Variants in HECW1 observed in about 807,000 individuals in gnomAD.
HECW1 encodes the protein HECT, C2 and WW domain containing E3 ubiquitin protein ligase 1.
A neutral mutation model predicts 182.3 loss-of-function variants in HECW1; 61 were observed. The observed-to-expected ratio is 0.33, with a 90% CI of 0.27 to 0.41. HECW1 has a LOEUF of 0.41. Among genes scored for constraint, HECW1 ranks in the 10% least tolerant of loss-of-function variants. HECW1 has a pLI of 1.00. For synonymous variants in HECW1, 859 were observed against 832.6 expected (o/e 1.03, Z -0.55); for missense variants, 1,739 against 2,108.9 (o/e 0.82, Z 3.44).
At chr7:43,436,693 T>TGGATG (rs2076725923) in intron 8 of HECW1, among the ~76,000 whole-genome samples, 2 of 152,370 alleles carry the variant, frequency 1.3e-5, no homozygotes, top group South Asian at 4.1e-4. Context: ...TCAGGCCATC[T>TGGATG]GGATGTATAC....
chr7:43,436,163 CAA>C (rs750081980), intron 8 of HECW1, among the ~76,000 whole-genome samples: 11 of 67,026 alleles, frequency 1.6e-4, no homozygotes, highest in African/African-American at 2.3e-4. Context: ...GACTTTGTCT[CAA>C]AAAAAAAAAA....
chr7:43,239,649 A>G (rs1798692941), intron 2 of HECW1, among the ~76,000 whole-genome samples: 1 of 152,270 alleles, frequency 6.6e-6, no homozygotes, highest in African/African-American at 2.4e-5. Context: ...ACAACTTAAA[A>G]TAATTGACAG....
chr7:43,520,722 C>T (rs553431852), intron 24 of HECW1, among the ~76,000 whole-genome samples: 4 of 152,140 alleles, frequency 2.6e-5, no homozygotes, highest in South Asian at 2.1e-4. Context: ...CTAGAACAGA[C>T]GAAAGTGAAG....
intron 2 of HECW1, among the ~76,000 whole-genome samples, chr7:43,171,074 G>A (rs1276736902): frequency 1.3e-5 from 2 of 152,196 alleles, no homozygotes; most frequent in East Asian, 1.9e-4. Context: ...GAGTGCACAA[G>A]CATGAAAATC....
chr7:43,320,664 T>C lies in HECW1; in HGVS notation c.382T>C (p.Tyr128His). 6.2e-7 allele frequency: 1 copy of C among 1,614,160 alleles called. No individual in the cohort carries two copies. The highest frequency in any genetic ancestry group is 1.1e-5 in the South Asian group (1 of 91,082). The change falls in exon 5 of 30, where the codon TAT becomes CAT. Residue 128 changes from tyrosine to histidine, a missense_variant. This residue lies in a region of HECW1 where 279 missense variants were observed against 353.1 expected (regional missense o/e 0.79). Coordinates refer to ENST00000395891, the MANE Select transcript of HECW1 (RefSeq NM_015052.5). ...GGTCTTGTCCGAAAACTTTCTGGAC[T>C]ATAAAAACCGTGGAGTCAATGGTTC... ...DEVLSENFLD[Y>H]KNRGVNGSHR...
At chr7:43,501,183 C>CTTTTTTTTTTTTTTCT in intron 20 of HECW1, 30 bp from the exon 21 acceptor site, 1 of 744,856 alleles carries the variant, frequency 1.3e-6, no homozygotes, top group South Asian at 1.8e-5. Context: ...TCTTTTCTTT[C>CTTTTTTTTTTTTTTCT]TTTTTTTTTT....
At chr7:43,494,467 A>G (rs2079042862) in intron 19 of HECW1, among the ~76,000 whole-genome samples, 2 of 152,054 alleles carry the variant, frequency 1.3e-5, no homozygotes, top group African/African-American at 4.8e-5. Flanking sequence ...CCTTCAAAAA[A>G]GCTTTCATGG....
intron 5 of HECW1, 102 bp downstream of exon 5, chr7:43,320,844 G>T: frequency 1.2e-6 from 1 of 846,886 alleles, no homozygotes; most frequent in East Asian, 2.5e-5. Context: ...TAAGAAATGG[G>T]CCCTCTAAAA....
intron 24 of HECW1, among the ~76,000 whole-genome samples, chr7:43,516,666 T>G (rs1437108094): frequency 6.6e-6 from 1 of 152,228 alleles, no homozygotes; most frequent in Non-Finnish European, 1.5e-5. Context: ...ACATTTTCTT[T>G]GTCTTAAGTA....
chr7:43,330,671 G>A (rs146162571), intron 5 of HECW1, among the ~76,000 whole-genome samples: 94 of 152,316 alleles, frequency 6.2e-4, no homozygotes, highest in African/African-American at 2.2e-3. Context: ...CCATGTGGGG[G>A]CTATGGGCTT....
intron 24 of HECW1, among the ~76,000 whole-genome samples, chr7:43,536,531 G>T (rs945261148): frequency 2.6e-5 from 4 of 152,228 alleles, no homozygotes; most frequent in African/African-American, 9.6e-5. Context: ...GTACCTGGGA[G>T]CTGAGGTCTC....
chr7:43,300,672 C>G (rs1041872931), intron 3 of HECW1, among the ~76,000 whole-genome samples: 1 of 152,122 alleles, frequency 6.6e-6, no homozygotes, highest in Non-Finnish European at 1.5e-5. Context: ...CGTGTTCATC[C>G]GGGGCACTTT....
intron 3 of HECW1, 126 bp from the exon 4 acceptor site, chr7:43,311,637 T>C (rs1005316421): frequency 1.1e-6 from 1 of 870,494 alleles, no homozygotes; most frequent in Non-Finnish European, 1.9e-6. Context: ...CCATGTTTCA[T>C]ATCTGCCCAG....
intron 2 of HECW1, among the ~76,000 whole-genome samples, chr7:43,152,300 G>A (rs1341751028): frequency 1.3e-5 from 2 of 152,156 alleles, no homozygotes; most frequent in African/African-American, 4.8e-5. Flanking sequence ...ACAGTTATAA[G>A]CATTGAAAGC....
intron 5 of HECW1, among the ~76,000 whole-genome samples, chr7:43,351,678 CTTTT>C (rs200929407): frequency 8.3e-6 from 1 of 120,574 alleles, no homozygotes. Flanking sequence ...TTTCTTTCTT[CTTTT>C]TTTTTTTTTT....
At chr7:43,312,355 A>G (rs913954483) in intron 4 of HECW1, among the ~76,000 whole-genome samples, 11 of 152,228 alleles carry the variant, frequency 7.2e-5, no homozygotes, top group African/African-American at 2.4e-4. Context: ...ATTTGCAACT[A>G]TAGAAGCTCT....
intron 16 of HECW1, among the ~76,000 whole-genome samples, chr7:43,478,046 T>G (rs1282512837): frequency 6.6e-6 from 1 of 152,230 alleles, no homozygotes; most frequent in Non-Finnish European, 1.5e-5. Flanking sequence ...TTATGAGAGA[T>G]AATTTTAAAT....
chr7:43,481,139 G>A (rs1181990013), intron 17 of HECW1, among the ~76,000 whole-genome samples: 1 of 152,172 alleles, frequency 6.6e-6, no homozygotes, highest in African/African-American at 2.4e-5. Context: ...TTACATGGGT[G>A]TCAGGATTTG....
chr7:43,509,260 C>A, intron 24 of HECW1, 139 bp downstream of exon 24: 2 of 733,832 alleles, frequency 2.7e-6, no homozygotes, highest in Non-Finnish European at 4.3e-6. Context: ...TGACAGAGTC[C>A]AAGAAGGAAG....
Sources: allele counts gnomAD v4.1 joint callset (sites outside exome capture counted in the v4.1 genomes callset), GRCh38; gene constraint gnomAD v4.1.1; regional missense constraint gnomAD v4.1.1; transcripts MANE v1.5; gene names NCBI Gene and HGNC (gene_info 2026-07-23, HGNC 2026-07-21).